TRIM37: variants seen among roughly 807,000 people sequenced by gnomAD.
The protein encoded by TRIM37 is E3 ubiquitin-protein ligase TRIM37.
In TRIM37, 80 loss-of-function variants were observed where a neutral mutation model predicts 129.8. The ratio of observed to expected loss-of-function variants is 0.62; its 90% CI spans 0.51 to 0.74. The LOEUF is 0.74. Ranked by LOEUF, TRIM37 falls within the 30% of genes least tolerant of loss-of-function variation. The pLI is 0.00. For missense variants in TRIM37, 1,054 were observed against 1,176.5 expected (o/e 0.90, Z 1.52); for synonymous variants, 389 against 387.1 (o/e 1.00, Z -0.06).
intron 24 of TRIM37, among the ~76,000 whole-genome samples, chr17:58,992,598 TC>T (rs1188793366): frequency 6.6e-6 from 1 of 152,090 alleles, no homozygotes; most frequent in African/African-American, 2.4e-5. Context: ...CAGGCTGGTC[TC>T]GAACTCCCGA....
At chr17:59,041,661 A>G (rs548750668) in intron 17 of TRIM37, 152 bp downstream of exon 17, 3 of 624,338 alleles carry the variant, frequency 4.8e-6, no homozygotes, top group Non-Finnish European at 8.6e-6. Flanking sequence ...CTTTAGTAAT[A>G]AACTCTAAAA....
intron 18 of TRIM37, among the ~76,000 whole-genome samples, chr17:59,029,247 G>A (rs1305842613): frequency 1.3e-5 from 2 of 152,070 alleles, no homozygotes; most frequent in Non-Finnish European, 2.9e-5. Flanking sequence ...GGGGAGCATA[G>A]TGACACCCTA....
the TRIM37 span, among the ~76,000 whole-genome samples, chr17:58,968,380 A>G: frequency 1.3e-5 from 2 of 152,180 alleles, no homozygotes; most frequent in South Asian, 4.1e-4. Context: ...ATCTGTGATC[A>G]TGCCACTGTA....
chr17:59,023,286 C>T lies in TRIM37; in HGVS notation c.2257+5129G>A, dbSNP rs187632260. Among the ~76,000 whole-genome samples, 361 of 152,228 alleles carry T rather than the reference C, an allele frequency of 2.4e-3. 1 individual carries two copies. Among genetic ancestry groups the T allele is most frequent in the Admixed American group, 5.4e-3 (82 of 15,284 alleles). ...AGACATGGGGTTTCTCCATGTTGGC[C>T]AGGCTGGTCTCGAACTCCTGGCCTC... On this transcript the variant is annotated intron_variant, in intron 19 of 23. Coordinates refer to ENST00000262294, the MANE Select transcript of TRIM37 (RefSeq NM_015294.6).
chr17:58,998,545 T>A lies in TRIM37; in HGVS notation c.*832A>T. On this transcript the variant is annotated 3_prime_UTR_variant, in exon 24 of 24. Transcript: ENST00000262294. ...CATGTAAGCCACTGTGCAACATGAA[T>A]GAATCTTTAAATGTGTTGACACTGA... The A allele has an allele frequency of 3.0e-6, 3 of 985,320 alleles. No homozygotes were observed. The highest frequency in any genetic ancestry group is 3.6e-6 in the Non-Finnish European group (3 of 829,854). 61.0% of individuals were successfully genotyped at this position (985,320 alleles called of 1,614,324 possible).
At chr17:59,099,927 C>A (rs2045305031) in intron 2 of TRIM37, among the ~76,000 whole-genome samples, 1 of 152,144 alleles carries the variant, frequency 6.6e-6, no homozygotes, top group Non-Finnish European at 1.5e-5. Context: ...CCTCAGGCTC[C>A]CAAGGAGCTG....
chr17:59,004,405 A>C (rs1044444533), intron 22 of TRIM37, among the ~76,000 whole-genome samples: 2 of 152,144 alleles, frequency 1.3e-5, no homozygotes, highest in African/African-American at 4.8e-5. Flanking sequence ...TTAAGAAACT[A>C]GAAAAAGGAA....
chr17:59,044,685 A>G (rs2039591210), intron 16 of TRIM37, among the ~76,000 whole-genome samples: 8 of 152,258 alleles, frequency 5.3e-5, no homozygotes, highest in Admixed American at 5.2e-4. Context: ...ATTAGGTATT[A>G]TAAGTAATCT....
chr17:59,091,997 GA>G (rs956940445), intron 2 of TRIM37, among the ~76,000 whole-genome samples: 110 of 138,908 alleles, frequency 7.9e-4, no homozygotes, highest in African/African-American at 2.4e-3. Flanking sequence ...AAGCTAATTC[GA>G]AAAAAAAAAG....
At chr17:58,970,319 G>A in the TRIM37 span, among the ~76,000 whole-genome samples, 3 of 152,072 alleles carry the variant, frequency 2.0e-5, no homozygotes, top group African/African-American at 7.2e-5. Context: ...TGAATAAATG[G>A]CAAGGGCTCT....
rs115822382 is a variant in TRIM37, at chr17:59,074,775, G to A, written c.684+872C>T. ...ATTACAAAAAGCAAATTCCAGACAA[G>A]TGAATGTATCAGATATTTATGCAAC... On this transcript the variant is annotated intron_variant, in intron 8 of 23. Coordinates refer to ENST00000262294, the MANE Select transcript of TRIM37 (RefSeq NM_015294.6). 1.6e-3 allele frequency among the ~76,000 whole-genome samples: 237 copies of A among 152,236 alleles called. 3 individuals are homozygous for A. The highest frequency in any genetic ancestry group is 5.5e-3 in the African/African-American group (229 of 41,532).
At chr17:59,061,935 GAT>G (rs1415670528) in intron 11 of TRIM37, among the ~76,000 whole-genome samples, 1 of 151,530 alleles carries the variant, frequency 6.6e-6, no homozygotes, top group African/African-American at 2.4e-5. Flanking sequence ...TCACTCAGTA[GAT>G]ATCAATGAAT....
In TRIM37 at chr17:59,091,360, G is replaced by C. The variant is rs2147287313; in HGVS notation, c.124-20C>G. The C allele has an allele frequency of 1.3e-6, 2 of 1,496,804 alleles. No individual in the cohort carries two copies. Among genetic ancestry groups the C allele is most frequent in the Non-Finnish European group, 1.8e-6 (2 of 1,110,856 alleles). 92.7% of individuals were successfully genotyped at this position (1,496,804 alleles called of 1,614,324 possible). A position where few individuals can be genotyped will look rare whatever the true frequency, so the allele number is the denominator to read the frequency against. On this transcript the variant is annotated intron_variant, in intron 2 of 23. Coordinates refer to ENST00000262294, the MANE Select transcript of TRIM37 (RefSeq NM_015294.6). ...CCAGCGCTAAGGGGGCAAAAGATTA[G>C]ATATCGATTAGAAAACATCATTACT...
downstream of TRIM37, chr17:58,982,415 A>C (rs1307221042): frequency 6.5e-6 from 1 of 152,932 alleles, no homozygotes; most frequent in East Asian, 1.9e-4. Context: ...TCAACAGCAG[A>C]CCAGCCTGGC....
At chr17:59,023,324 C>G (rs1297550236) in intron 19 of TRIM37, among the ~76,000 whole-genome samples, 1 of 152,088 alleles carries the variant, frequency 6.6e-6, no homozygotes, top group African/African-American at 2.4e-5. Flanking sequence ...GTAATCTGCA[C>G]GACTTGGCCT....
rs2042304435 is a variant in TRIM37, at chr17:59,070,894, C to T, written c.738G>A (p.Met246Ile). Residue 246 changes from methionine (M) to isoleucine (I), a missense_variant, in exon 9 of 24, where the codon ATG becomes ATA. Coordinates refer to ENST00000262294, the MANE Select transcript of TRIM37 (RefSeq NM_015294.6). Reference sequence around the variant, plus strand: ...GCTTCCGATGAACTTGCTGAAACATCATAAGGATCTCTGAGCTCTTAGATA... The same window carrying T: ...GCTTCCGATGAACTTGCTGAAACATTATAAGGATCTCTGAGCTCTTAGATA... Reference protein sequence around the residue: ...ELISKSSEILMMFQQVHRKPM... With the variant: ...ELISKSSEILIMFQQVHRKPM... The T allele has an allele frequency of 6.2e-7, 1 of 1,614,020 alleles. No homozygotes were observed. The highest frequency in any genetic ancestry group is 1.1e-5 in the South Asian group (1 of 91,080).
chr17:58,975,101 C>T, the TRIM37 span, among the ~76,000 whole-genome samples: 1 of 152,184 alleles, frequency 6.6e-6, no homozygotes, highest in Non-Finnish European at 1.5e-5. Context: ...CTACCCTTGA[C>T]TGAAAATCAC....
intron 22 of TRIM37, among the ~76,000 whole-genome samples, chr17:59,004,304 G>C (rs1443595575): frequency 6.6e-6 from 1 of 150,862 alleles, no homozygotes; most frequent in Non-Finnish European, 1.5e-5. Context: ...AAATTTGTGG[G>C]ATGTGACTAT....
At chr17:59,075,122 A>C (rs2042692877) in intron 8 of TRIM37, among the ~76,000 whole-genome samples, 1 of 152,198 alleles carries the variant, frequency 6.6e-6, no homozygotes, top group South Asian at 2.1e-4. Flanking sequence ...AGCAGAATGT[A>C]GTTCTAATGC....
Sources: gnomAD v4.1 joint callset for allele counts (sites outside exome capture counted in the v4.1 genomes callset) on GRCh38, gnomAD v4.1.1 for gene constraint, MANE v1.5 for transcripts, NCBI Gene and HGNC (gene_info 2026-07-23, HGNC 2026-07-21) for gene names.